Variants in SYNPO2 observed in about 807,000 individuals in gnomAD.
SYNPO2 encodes synaptopodin 2.
In SYNPO2, 56 loss-of-function variants were observed where a neutral mutation model predicts 85.0. That is an observed-to-expected ratio of 0.66 (90% CI 0.53 to 0.82). The LOEUF (loss-of-function observed/expected upper bound fraction) is 0.82. Ranked by LOEUF, SYNPO2 falls within the 40% of genes least tolerant of loss-of-function variation. The probability of loss-of-function intolerance (pLI) is 0.00; values close to 1 mark genes in which losing one functional copy is unlikely to be tolerated. For missense variants in SYNPO2, 1,575 were observed against 1,534.2 expected (o/e 1.03, Z -0.44); for synonymous variants, 602 against 591.1 (o/e 1.02, Z -0.27).
chr4:118,973,973 T>A (rs1011962138), intron 1 of SYNPO2, among the ~76,000 whole-genome samples: 4 of 152,168 alleles, frequency 2.6e-5, no homozygotes, highest in African/African-American at 9.7e-5. Context: ...AAAGCAGGAG[T>A]CAGGTATTAT....
At chr4:118,876,072 G>C (rs569968760) in intron 1 of SYNPO2, among the ~76,000 whole-genome samples, 1 of 152,240 alleles carries the variant, frequency 6.6e-6, no homozygotes, top group South Asian at 2.1e-4. Flanking sequence ...TTTTACTTTG[G>C]CAGATTTTAC....
intron 4 of SYNPO2, among the ~76,000 whole-genome samples, chr4:119,050,256 C>T (rs1211207751): frequency 2.0e-5 from 3 of 151,760 alleles, no homozygotes; most frequent in Non-Finnish European, 4.4e-5. Flanking sequence ...CACTTCAACC[C>T]GGGAGGCAGA....
chr4:118,921,306 G>A (rs888300429), intron 1 of SYNPO2, among the ~76,000 whole-genome samples: 2 of 152,074 alleles, frequency 1.3e-5, no homozygotes, highest in Admixed American at 6.5e-5. Context: ...CTTAGAGATT[G>A]TTTCATTCTC....
At chr4:119,021,484 GA>G (rs11290849) in intron 1 of SYNPO2, among the ~76,000 whole-genome samples, 90,329 of 151,966 alleles carry the variant, frequency 0.59, 27,790 homozygotes, top group Middle Eastern at 0.69. Context: ...ATGCTTGGTA[GA>G]AAAAAATCTA....
At chr4:118,858,461 G>T (rs935160927) in intron 1 of SYNPO2, among the ~76,000 whole-genome samples, 6 of 152,116 alleles carry the variant, frequency 3.9e-5, no homozygotes, top group Admixed American at 6.5e-5. Context: ...TATTTTGGTG[G>T]CAGATTTTAT....
intron 1 of SYNPO2, among the ~76,000 whole-genome samples, chr4:118,980,388 A>C (rs888975548): frequency 7.9e-5 from 12 of 152,086 alleles, no homozygotes; most frequent in African/African-American, 2.7e-4. Context: ...GGTAGAGTCT[A>C]TCCACACTCC....
chr4:119,028,193 A>G (rs6534120), intron 3 of SYNPO2, among the ~76,000 whole-genome samples: 89,077 of 149,144 alleles, frequency 0.6, 26,672 homozygotes, highest in Middle Eastern at 0.74. Flanking sequence ...TAGGATTTCT[A>G]TTGTTTTATT....
chr4:118,989,859 T>C (rs1307883910), intron 1 of SYNPO2, among the ~76,000 whole-genome samples: 2 of 152,164 alleles, frequency 1.3e-5, no homozygotes, highest in Non-Finnish European at 2.9e-5. Flanking sequence ...CAAGAGTCCC[T>C]GAGAGTAAGC....
chr4:118,866,694 G>T lies in SYNPO2; in HGVS notation c.12+15754G>T, dbSNP rs117159469. Among the ~76,000 whole-genome samples, 57 of 152,238 alleles carry T rather than the reference G, an allele frequency of 3.7e-4. No homozygotes were observed. In the East Asian group the frequency reaches 0.01, roughly 28 times the overall value. On this transcript the variant is annotated intron_variant, in intron 1 of 4. Coordinates refer to the SYNPO2 transcript ENST00000610556. ...TCCCCCTTGCTGTTCTCATGATAGA[G>T]TTTCCACAAGATCTGGTTGTTTGAA...
chr4:118,991,187 A>G (rs1410601760), intron 1 of SYNPO2, among the ~76,000 whole-genome samples: 7 of 151,956 alleles, frequency 4.6e-5, no homozygotes, highest in Non-Finnish European at 1.0e-4. Flanking sequence ...TTGCTCTGTC[A>G]CCCAGGCTGG....
intron 1 of SYNPO2, among the ~76,000 whole-genome samples, chr4:118,898,497 C>A (rs946537388): frequency 3.9e-5 from 6 of 152,094 alleles, no homozygotes; most frequent in African/African-American, 1.4e-4. Context: ...ATCGAGATAA[C>A]CATAACATTG....
intron 1 of SYNPO2, among the ~76,000 whole-genome samples, chr4:119,012,515 A>G (rs1737359598): frequency 6.6e-6 from 1 of 151,386 alleles, no homozygotes; most frequent in Non-Finnish European, 1.5e-5. Flanking sequence ...CCCTGCATGG[A>G]TTAGGTATTT....
chr4:118,919,999 C>T (rs553631614), intron 1 of SYNPO2, among the ~76,000 whole-genome samples: 46 of 152,108 alleles, frequency 3.0e-4, no homozygotes, highest in South Asian at 2.1e-3. Flanking sequence ...AATTATTGGA[C>T]GGATGAGAGA....
At chr4:119,032,081 C>A in intron 4 of SYNPO2, 54 bp downstream of exon 4, 1 of 1,590,948 alleles carries the variant, frequency 6.3e-7, no homozygotes, top group Non-Finnish European at 8.6e-7. Context: ...GCTGAGTGTC[C>A]ACTTTGCTTG....
chr4:118,951,459 A>C (rs993842453), intron 1 of SYNPO2, among the ~76,000 whole-genome samples: 3 of 152,218 alleles, frequency 2.0e-5, no homozygotes, highest in Admixed American at 6.5e-5. Flanking sequence ...ACTGGCAATT[A>C]AGTTTTGACA....
intron 1 of SYNPO2, among the ~76,000 whole-genome samples, chr4:119,011,634 G>T (rs1737306334): frequency 6.6e-6 from 1 of 152,198 alleles, no homozygotes; most frequent in South Asian, 2.1e-4. Flanking sequence ...AAGAGGTTTA[G>T]GAGTGCCTGT....
At chr4:118,857,832 A>C (rs1560797946) in intron 1 of SYNPO2, among the ~76,000 whole-genome samples, 2 of 152,232 alleles carry the variant, frequency 1.3e-5, no homozygotes, top group Non-Finnish European at 2.9e-5. Flanking sequence ...ATTATAAGGA[A>C]AGTGAATGGC....
intron 1 of SYNPO2, among the ~76,000 whole-genome samples, chr4:118,956,687 T>C (rs1172029557): frequency 6.6e-6 from 1 of 152,130 alleles, no homozygotes; most frequent in Non-Finnish European, 1.5e-5. Context: ...CTCTGAACTG[T>C]AGAGCTTGGG....
chr4:118,892,939 G>A (rs1044875264), intron 1 of SYNPO2, among the ~76,000 whole-genome samples: 22 of 152,030 alleles, frequency 1.4e-4, no homozygotes, highest in Admixed American at 9.2e-4. Flanking sequence ...GCACATTTCA[G>A]ATAATATAAT....
Sources: gnomAD v4.1 joint callset for allele counts (sites outside exome capture counted in the v4.1 genomes callset) on GRCh38, gnomAD v4.1.1 for gene constraint, MANE v1.5 for transcripts, NCBI Gene and HGNC (gene_info 2026-07-23, HGNC 2026-07-21) for gene names.